Variants in LRRC4C observed in about 807,000 individuals in gnomAD.
LRRC4C encodes the protein leucine-rich repeat-containing protein 4C.
A neutral mutation model predicts 33.6 loss-of-function variants in LRRC4C; 5 were observed. That is an observed-to-expected ratio of 0.15 (90% confidence interval 0.08 to 0.31). LRRC4C has a LOEUF of 0.31. Among genes scored for constraint, LRRC4C ranks in the 10% least tolerant of loss-of-function variants. LRRC4C has a pLI of 1.00. For missense variants in LRRC4C, 560 were observed against 796.7 expected (o/e 0.70, Z 3.58); for synonymous variants, 329 against 302.0 (o/e 1.09, Z -0.93).
intron 5 of LRRC4C, among the ~76,000 whole-genome samples, chr11:40,161,579 C>A (rs1859159188): frequency 6.6e-6 from 1 of 152,098 alleles, no homozygotes; most frequent in African/African-American, 2.4e-5. Flanking sequence ...CACGGTAAGA[C>A]CCCGTCTCTA....
At chr11:40,133,772 A>G (rs1015146854) in intron 6 of LRRC4C, among the ~76,000 whole-genome samples, 4 of 152,164 alleles carry the variant, frequency 2.6e-5, no homozygotes, top group African/African-American at 9.7e-5. Flanking sequence ...AATCAGTGAA[A>G]GGTATGTGGA....
At chr11:41,142,595 A>G (rs1301302195) in intron 1 of LRRC4C, among the ~76,000 whole-genome samples, 1 of 152,284 alleles carries the variant, frequency 6.6e-6, no homozygotes, top group Admixed American at 6.5e-5. Flanking sequence ...TGAAATTACA[A>G]TATGCAATTG....
chr11:40,389,543 G>A (rs566497588), intron 3 of LRRC4C, among the ~76,000 whole-genome samples: 84 of 152,052 alleles, frequency 5.5e-4, no homozygotes, highest in African/African-American at 2.0e-3. Context: ...GAAACTAGGA[G>A]GTTAATTTAT....
chr11:41,353,850 C>T lies in LRRC4C; in HGVS notation c.-496+105581G>A, dbSNP rs370219115. Among the ~76,000 whole-genome samples, 89 of 151,776 alleles carry T rather than the reference C, an allele frequency of 5.9e-4. 1 individual carries two copies. In the South Asian group the frequency reaches 0.018, roughly 31 times the overall value. On this transcript the variant is annotated intron_variant, in intron 1 of 6. Coordinates refer to ENST00000528697, the MANE Select transcript of LRRC4C (RefSeq NM_001258419.2). ...CATGTTAAAAAACAAAACAACGCAA[C>T]AATCTAGGAGTCGAAGGAATGTACC...
chr11:40,116,104 A>G lies in LRRC4C; in HGVS notation c.189T>C (p.Val63=). The part of the protein sequence containing the change: ...CSNQFSKVIC[V]RKNLREVPDG... ...CCGGAACCTCACGCAGGTTTTTCCG[A>G]ACACAAATCACCTTGCTGAACTGGT... The change falls in exon 7 of 7, where the codon GTT becomes GTC. Residue 63 remains valine (V), a synonymous_variant. Transcript: ENST00000528697. 1 of 1,614,038 alleles carries G rather than the reference A, an allele frequency of 6.2e-7. No homozygotes were observed. Among genetic ancestry groups the G allele is most frequent in the Non-Finnish European group, 8.5e-7 (1 of 1,180,008 alleles).
intron 1 of LRRC4C, among the ~76,000 whole-genome samples, chr11:41,309,194 T>A (rs757278051): frequency 2.0e-5 from 3 of 152,164 alleles, no homozygotes; most frequent in Non-Finnish European, 4.4e-5. Context: ...CAGTGGAAGA[T>A]AAACGCAGCC....
rs1001908998 is a variant in LRRC4C, at chr11:40,986,596, G to T, written c.-495-52873C>A. Reference sequence around the variant, plus strand: ...AATAAGAGAACAAAAAAGAAAAAAAGACAGAGAGAGAGAGGGAGAGAAAGG... The same window carrying T: ...AATAAGAGAACAAAAAAGAAAAAAATACAGAGAGAGAGAGGGAGAGAAAGG... On this transcript the variant is annotated intron_variant, in intron 1 of 6. Coordinates refer to ENST00000528697, the MANE Select transcript of LRRC4C (RefSeq NM_001258419.2). Among the ~76,000 whole-genome samples the T allele has an allele frequency of 3.3e-5, 5 of 152,088 alleles. No homozygotes were observed. The East Asian group carries it at 9.7e-4, about 29-fold the overall frequency.
At chr11:41,226,897 C>T (rs1034694233) in intron 1 of LRRC4C, among the ~76,000 whole-genome samples, 5 of 152,130 alleles carry the variant, frequency 3.3e-5, no homozygotes, top group East Asian at 1.9e-4. Context: ...TCTATAAATA[C>T]GTACATGATT....
chr11:41,355,668 A>T (rs1402774358), intron 1 of LRRC4C, among the ~76,000 whole-genome samples: 1 of 152,246 alleles, frequency 6.6e-6, no homozygotes, highest in East Asian at 1.9e-4. Flanking sequence ...TAATTTAAAT[A>T]AACTAAATAT....
At position 40,114,798 on chromosome 11, in the gene LRRC4C, T is replaced by C. The variant is rs955655985; in HGVS notation, c.1495A>G (p.Arg499Gly). The C allele has an allele frequency of 6.2e-7, 1 of 1,614,180 alleles. No homozygotes were observed. The highest frequency in any genetic ancestry group is 8.5e-7 in the Non-Finnish European group (1 of 1,180,024). The change falls in exon 7 of 7, where the codon AGG (arginine) becomes GGG (glycine). Residue 499 changes from arginine (R) to glycine (G), a missense_variant. This residue lies in a region of LRRC4C where 455 missense variants were observed against 643.8 expected (regional missense o/e 0.71). Coordinates refer to ENST00000528697, the MANE Select transcript of LRRC4C (RefSeq NM_001258419.2). ...ATGGTGAAGGTTTTCTCTGTCGACC[T>C]TGTGCTCTGTGGTGTGAGAGAGGTG... is the stretch of plus-strand genomic sequence containing the variant. ...VTTSLTPQST[R>G]STEKTFTIPV...
At chr11:40,635,943 G>A (rs1312381262) in intron 3 of LRRC4C, among the ~76,000 whole-genome samples, 1 of 151,934 alleles carries the variant, frequency 6.6e-6, no homozygotes, top group Non-Finnish European at 1.5e-5. Flanking sequence ...CCGGCCAGAA[G>A]AGCCTAAATT....
chr11:40,760,037 C>T (rs901356486), intron 2 of LRRC4C, among the ~76,000 whole-genome samples: 2 of 151,408 alleles, frequency 1.3e-5, no homozygotes, highest in Non-Finnish European at 2.9e-5. Flanking sequence ...AGTGACTCTG[C>T]CCCCCAACCT....
chr11:41,068,655 A>C (rs1276608247), intron 1 of LRRC4C, among the ~76,000 whole-genome samples: 1 of 152,164 alleles, frequency 6.6e-6, no homozygotes, highest in Non-Finnish European at 1.5e-5. Context: ...ACACCCTCGC[A>C]TACTTATTCC....
chr11:40,641,613 CT>C (rs540666366), intron 3 of LRRC4C, among the ~76,000 whole-genome samples: 159 of 152,252 alleles, frequency 1.0e-3, no homozygotes, highest in Non-Finnish European at 2.1e-3. Flanking sequence ...AGAAAGAGGT[CT>C]TTTTTTCTTT....
chr11:41,073,905 T>C (rs1164245806), intron 1 of LRRC4C, among the ~76,000 whole-genome samples: 1 of 152,190 alleles, frequency 6.6e-6, no homozygotes, highest in Non-Finnish European at 1.5e-5. Context: ...GCAGTCCTTT[T>C]TCCAACATAC....
At chr11:40,710,107 T>G (rs1946384541) in intron 2 of LRRC4C, among the ~76,000 whole-genome samples, 1 of 152,150 alleles carries the variant, frequency 6.6e-6, no homozygotes, top group African/African-American at 2.4e-5. Flanking sequence ...TTTTCAAGGT[T>G]TTTAGCTTCT....
At chr11:41,385,518 T>C (rs941633814) in intron 1 of LRRC4C, among the ~76,000 whole-genome samples, 1 of 151,724 alleles carries the variant, frequency 6.6e-6, no homozygotes, top group African/African-American at 2.4e-5. Context: ...AAATAAGTTA[T>C]TGGTCAAGGA....
intron 2 of LRRC4C, among the ~76,000 whole-genome samples, chr11:40,846,018 ATGT>A (rs1383862838): frequency 3.8e-4 from 17 of 44,370 alleles, no homozygotes; most frequent in African/African-American, 1.0e-3. Flanking sequence ...CCACTTTCTG[ATGT>A]TTTTTTTTTT....
intron 2 of LRRC4C, among the ~76,000 whole-genome samples, chr11:40,685,818 AAC>A (rs1461307965): frequency 6.6e-6 from 1 of 152,064 alleles, no homozygotes; most frequent in African/African-American, 2.4e-5. Context: ...TGTGTATACA[AAC>A]ACAGAGAGAG....
Sources: gnomAD v4.1 joint callset for allele counts (sites outside exome capture counted in the v4.1 genomes callset) on GRCh38, gnomAD v4.1.1 for gene constraint, gnomAD v4.1.1 regional missense constraint, MANE v1.5 for transcripts, NCBI Gene and HGNC (gene_info 2026-07-23, HGNC 2026-07-21) for gene names.